Variants in HTR2C observed in about 807,000 individuals in gnomAD.
HTR2C encodes the protein 5-hydroxytryptamine (serotonin) receptor 2C, G protein-coupled.
Under a neutral mutation model 21.0 loss-of-function variants are expected in HTR2C, and 5 were observed. The observed-to-expected ratio is 0.24, with a 90% CI of 0.12 to 0.50. HTR2C has a LOEUF of 0.50. Ranked by LOEUF, HTR2C falls within the 20% of genes least tolerant of loss-of-function variation. The pLI is 0.98. For missense variants in HTR2C, 271 were observed against 371.2 expected, an observed-to-expected ratio of 0.73 and a Z score of 2.22; for synonymous variants, 150 against 145.3, an observed-to-expected ratio of 1.03 and a Z score of -0.23.
intron 2 of HTR2C, among the ~76,000 whole-genome samples, chrX:114,646,364 C>G (rs1556407525): frequency 9.0e-6 from 1 of 111,642 alleles, no homozygotes; most frequent in East Asian, 2.8e-4. Context: ...ATTAACCTTA[C>G]AATTTTTTCC....
In HTR2C at chrX:114,778,208, G is replaced by A. The variant is rs1353491714; in HGVS notation, c.349+46601G>A. Among the ~76,000 whole-genome samples, 3 of 111,051 alleles carry A rather than the reference G, an allele frequency of 2.7e-5. No individual in the cohort carries two copies. In the Admixed American group the frequency reaches 2.9e-4, roughly 11 times the overall value. On this transcript the variant is annotated intron_variant, in intron 4 of 5. Transcript: ENST00000276198. ...GTAGTGAAGTAGAACTTGAGTTTTG[G>A]TATCACATGAACATAAGTTTAAATC... is the stretch of plus-strand genomic sequence containing the variant.
At chrX:114,801,903 G>A (rs1394131075) in intron 4 of HTR2C, among the ~76,000 whole-genome samples, 2 of 110,709 alleles carry the variant, frequency 1.8e-5, no homozygotes, top group African/African-American at 3.3e-5. Context: ...TCAAATACTA[G>A]ATCTTATTTG....
chrX:114,733,748 A>C (rs2069560295), intron 4 of HTR2C, among the ~76,000 whole-genome samples: 1 of 110,745 alleles, frequency 9.0e-6, no homozygotes, highest in Non-Finnish European at 1.9e-5. Context: ...AAGAAACCAT[A>C]CTTTGATACA....
chrX:114,852,139 G>T (rs2070923134), intron 5 of HTR2C, among the ~76,000 whole-genome samples: 1 of 110,107 alleles, frequency 9.1e-6, no homozygotes, highest in African/African-American at 3.3e-5. Flanking sequence ...TCCACCAATG[G>T]CATATAGTCA....
At chrX:114,906,064 G>A (rs941231549) in intron 5 of HTR2C, among the ~76,000 whole-genome samples, 1 of 111,753 alleles carries the variant, frequency 8.9e-6, no homozygotes, top group African/African-American at 3.3e-5. Flanking sequence ...GACTATTTCT[G>A]CATAGTAGTT....
intron 2 of HTR2C, among the ~76,000 whole-genome samples, chrX:114,629,030 A>T (rs1308655286): frequency 5.4e-5 from 6 of 112,038 alleles, no homozygotes; most frequent in Admixed American, 9.5e-5. Context: ...TTAATAAACA[A>T]CTAGTCACAT....
chrX:114,709,413 A>G (rs1932858668), intron 2 of HTR2C, among the ~76,000 whole-genome samples: 1 of 112,083 alleles, frequency 8.9e-6, no homozygotes, highest in Non-Finnish European at 1.9e-5. Context: ...AAAAATTGGT[A>G]TGTTTTTCTA....
intron 2 of HTR2C, among the ~76,000 whole-genome samples, chrX:114,623,193 A>G (rs1214994048): frequency 8.9e-6 from 1 of 112,081 alleles, no homozygotes; most frequent in Non-Finnish European, 1.9e-5. Context: ...TATTACCTAT[A>G]TTTAACATAT....
At chrX:114,738,656 G>T (rs1388353551) in intron 4 of HTR2C, among the ~76,000 whole-genome samples, 4 of 110,545 alleles carry the variant, frequency 3.6e-5, no homozygotes, top group African/African-American at 1.3e-4. Context: ...GGGGGCAATG[G>T]GAGGGAGAGC....
chrX:114,833,160 T>G (rs2070745653), intron 4 of HTR2C, among the ~76,000 whole-genome samples: 1 of 97,655 alleles, frequency 1.0e-5, no homozygotes, highest in African/African-American at 3.6e-5. Flanking sequence ...TCTAAAATTC[T>G]CCTTTTTGGT....
At chrX:114,747,764 T>C (rs1442467790) in intron 4 of HTR2C, among the ~76,000 whole-genome samples, 1 of 112,599 alleles carries the variant, frequency 8.9e-6, no homozygotes, top group African/African-American at 3.2e-5. Context: ...TGGCAAGGAA[T>C]TGAGAGAAGC....
intron 4 of HTR2C, among the ~76,000 whole-genome samples, chrX:114,805,402 AC>A (rs1430816280): frequency 5.1e-5 from 2 of 39,448 alleles, no homozygotes; most frequent in African/African-American, 1.5e-4. Flanking sequence ...ACCTGTCTCC[AC>A]CCCTTTTTTT....
chrX:114,877,056 C>A (rs1325540755), intron 5 of HTR2C, among the ~76,000 whole-genome samples: 1 of 111,177 alleles, frequency 9.0e-6, no homozygotes, highest in Admixed American at 9.6e-5. Flanking sequence ...CAGAACTCAC[C>A]AGTAACACCA....
At chrX:114,738,132 G>A (rs1556424832) in intron 4 of HTR2C, among the ~76,000 whole-genome samples, 2 of 111,665 alleles carry the variant, frequency 1.8e-5, no homozygotes, top group Non-Finnish European at 3.8e-5. Flanking sequence ...TATGGGGTGG[G>A]GAAGGGAGAT....
intron 2 of HTR2C, among the ~76,000 whole-genome samples, chrX:114,619,239 G>T (rs967673029): frequency 1.8e-5 from 2 of 110,111 alleles, no homozygotes; most frequent in Admixed American, 1.9e-4. Flanking sequence ...AACTCCAGTC[G>T]GTTTTAATTC....
chrX:114,743,180 C>A (rs1415075917), intron 4 of HTR2C, among the ~76,000 whole-genome samples: 1 of 86,857 alleles, frequency 1.2e-5, no homozygotes, highest in Non-Finnish European at 2.2e-5. Flanking sequence ...AATAGTGCCG[C>A]AATAAACATA....
In HTR2C at chrX:114,731,260, G is replaced by A. The variant is rs181325944; in HGVS notation, c.36-34G>A. On this transcript the variant is annotated intron_variant, in intron 3 of 5. Transcript: ENST00000276198. ...GTATTGTGTATAAGTAATATAATAT[G>A]TACCTGATTGTTTTTTTTTTTCTTA... 35 of 1,025,880 alleles carry A rather than the reference G, an allele frequency of 3.4e-5. No individual in the cohort carries two copies. The East Asian group carries it at 1.0e-3, about 30-fold the overall frequency. 84.5% of individuals were successfully genotyped at this position (1,025,880 alleles called of 1,213,427 possible).
chrX:114,901,246 G>C (rs782684178), intron 5 of HTR2C, among the ~76,000 whole-genome samples: 304 of 112,122 alleles, frequency 2.7e-3, no homozygotes, highest in Non-Finnish European at 4.6e-3. Context: ...TGAATTCAAG[G>C]TTTTAAGAAA....
intron 4 of HTR2C, among the ~76,000 whole-genome samples, chrX:114,784,192 A>T (rs1298072784): frequency 4.5e-5 from 5 of 111,192 alleles, no homozygotes; most frequent in African/African-American, 1.6e-4. Flanking sequence ...ATAGAGAAAA[A>T]AAAAAGAAAG....
Sources: gnomAD v4.1 joint callset for allele counts (sites outside exome capture counted in the v4.1 genomes callset) on GRCh38, gnomAD v4.1.1 for gene constraint, MANE v1.5 for transcripts, NCBI Gene and HGNC (gene_info 2026-07-23, HGNC 2026-07-21) for gene names.